HS6ST3: variants seen among roughly 807,000 people sequenced by gnomAD.
The protein encoded by HS6ST3 is heparan-sulfate 6-O-sulfotransferase 3.
In HS6ST3, 12 loss-of-function variants were observed where a neutral mutation model predicts 36.7. That is an observed-to-expected ratio of 0.33 (90% CI 0.21 to 0.53). HS6ST3 has a LOEUF of 0.53. Among genes scored for constraint, HS6ST3 ranks in the 20% least tolerant of loss-of-function variants. The pLI is 0.95. For synonymous variants in HS6ST3, 240 were observed against 257.5 expected (o/e 0.93, Z 0.65); for missense variants, 584 against 640.9 (o/e 0.91, Z 0.96).
intron 1 of HS6ST3, among the ~76,000 whole-genome samples, chr13:96,438,698 A>G (rs942079639): frequency 2.6e-5 from 4 of 152,312 alleles, no homozygotes; most frequent in Non-Finnish European, 5.9e-5. Flanking sequence ...CTCTAATGAA[A>G]CTTCTTAAAT....
At chr13:96,169,223 G>A (rs546919994) in intron 1 of HS6ST3, among the ~76,000 whole-genome samples, 1 of 151,212 alleles carries the variant, frequency 6.6e-6, no homozygotes, top group East Asian at 2.0e-4. Flanking sequence ...CAGAGAAATG[G>A]GATTTTGACT....
At position 96,421,554 on chromosome 13, in the gene HS6ST3, A is replaced by G. The variant is rs187603296; in HGVS notation, c.707+329985A>G. Among the ~76,000 whole-genome samples, 729 of 152,292 alleles carry G rather than the reference A, an allele frequency of 4.8e-3. 7 individuals carry two copies. The highest frequency in any genetic ancestry group is 5.6e-3 in the Non-Finnish European group (382 of 68,018). On this transcript the variant is annotated intron_variant, in intron 1 of 1. Transcript: ENST00000376705. Reference sequence around the variant, plus strand: ...CCTCTGCAATACTCAAATGACATGTAGTCACCTGAATGTGCCATTTTTCTT... The same window carrying G: ...CCTCTGCAATACTCAAATGACATGTGGTCACCTGAATGTGCCATTTTTCTT...
intron 1 of HS6ST3, among the ~76,000 whole-genome samples, chr13:96,475,745 A>C (rs1353480812): frequency 6.6e-6 from 1 of 152,328 alleles, no homozygotes; most frequent in South Asian, 2.1e-4. Context: ...AAAGAAAATC[A>C]ACTGAAATCA....
intron 1 of HS6ST3, among the ~76,000 whole-genome samples, chr13:96,402,353 A>G (rs1478061339): frequency 6.6e-6 from 1 of 152,242 alleles, no homozygotes; most frequent in African/African-American, 2.4e-5. Flanking sequence ...AGTCATTTAT[A>G]TAATGAATAC....
chr13:96,336,912 A>G (rs985744498), intron 1 of HS6ST3, among the ~76,000 whole-genome samples: 3 of 152,224 alleles, frequency 2.0e-5, no homozygotes, highest in Non-Finnish European at 4.4e-5. Flanking sequence ...CTGATTAAAT[A>G]ACCTTTTGTT....
At position 96,608,170 on chromosome 13, in the gene HS6ST3, A is replaced by G. The variant is rs544044547; in HGVS notation, c.708-224320A>G. Among the ~76,000 whole-genome samples the G allele has an allele frequency of 3.9e-5, 6 of 152,376 alleles. No individual in the cohort carries two copies. In the South Asian group the frequency reaches 1.2e-3, roughly 32 times the overall value. ...GGAAGATAATACGAAACCAATCATT[A>G]CATGAAAATTAGTCAATAAAGGGGA... On this transcript the variant is annotated intron_variant, in intron 1 of 1. Coordinates refer to ENST00000376705, the MANE Select transcript of HS6ST3 (RefSeq NM_153456.4).
At chr13:96,247,348 A>G (rs974031121) in intron 1 of HS6ST3, among the ~76,000 whole-genome samples, 1 of 151,756 alleles carries the variant, frequency 6.6e-6, no homozygotes, top group Non-Finnish European at 1.5e-5. Flanking sequence ...CATAATCCCC[A>G]CGTGTCAAGG....
intron 1 of HS6ST3, among the ~76,000 whole-genome samples, chr13:96,484,565 A>C (rs543931870): frequency 6.6e-6 from 1 of 152,220 alleles, no homozygotes; most frequent in Admixed American, 6.5e-5. Context: ...AAGTTTGACT[A>C]TTTTAGATTT....
intron 1 of HS6ST3, among the ~76,000 whole-genome samples, chr13:96,803,751 T>A (rs1312879133): frequency 6.6e-6 from 1 of 152,164 alleles, no homozygotes; most frequent in Admixed American, 6.5e-5. Flanking sequence ...CATGGGTAAT[T>A]CTAGCATCTG....
At chr13:96,717,382 G>A (rs1030625272) in intron 1 of HS6ST3, among the ~76,000 whole-genome samples, 4 of 152,096 alleles carry the variant, frequency 2.6e-5, no homozygotes, top group Non-Finnish European at 4.4e-5. Context: ...AAGAATAAAA[G>A]TGTCTGGCCC....
chr13:96,224,781 G>A (rs529757782), intron 1 of HS6ST3, among the ~76,000 whole-genome samples: 1 of 152,306 alleles, frequency 6.6e-6, no homozygotes, highest in South Asian at 2.1e-4. Flanking sequence ...ATTGTTTCAT[G>A]ATGCTGTAGA....
At chr13:96,177,024 C>T (rs1239138755) in intron 1 of HS6ST3, among the ~76,000 whole-genome samples, 1 of 152,136 alleles carries the variant, frequency 6.6e-6, no homozygotes, top group East Asian at 1.9e-4. Context: ...GAAAAAAGCT[C>T]AATATCACTG....
At chr13:96,602,111 G>A (rs994507963) in intron 1 of HS6ST3, among the ~76,000 whole-genome samples, 30 of 152,198 alleles carry the variant, frequency 2.0e-4, no homozygotes, top group African/African-American at 7.0e-4. Context: ...GTAAAAACCA[G>A]CTGTGGCTGA....
chr13:96,652,162 T>C (rs544395111), intron 1 of HS6ST3, among the ~76,000 whole-genome samples: 1 of 152,194 alleles, frequency 6.6e-6, no homozygotes, highest in African/African-American at 2.4e-5. Context: ...ATATCTGATA[T>C]GCATATATCA....
chr13:96,490,395 A>G (rs1372411377), intron 1 of HS6ST3, among the ~76,000 whole-genome samples: 1 of 152,138 alleles, frequency 6.6e-6, no homozygotes, highest in Non-Finnish European at 1.5e-5. Context: ...AACTATAAAC[A>G]AGCATTTTCA....
chr13:96,811,341 T>A (rs1878313267), intron 1 of HS6ST3, among the ~76,000 whole-genome samples: 1 of 152,182 alleles, frequency 6.6e-6, no homozygotes, highest in Admixed American at 6.5e-5. Context: ...TGGGCCCTGT[T>A]CCTAAATCAT....
chr13:96,837,645 A>C lies in HS6ST3; in HGVS notation c.*4447A>C, dbSNP rs1027456125. 6.6e-6 allele frequency: 1 copy of C among 152,138 alleles called. No individual in the cohort carries two copies. Among genetic ancestry groups the C allele is most frequent in the African/African-American group, 2.4e-5 (1 of 41,424 alleles). The allele number at this position is 152,138 out of a possible 1,614,324, so 9.4% of individuals were successfully genotyped here. On this transcript the variant is annotated 3_prime_UTR_variant, in exon 2 of 2. Transcript: ENST00000376705. ...TACTCTCAGCTCCCTACCTCCAGTGAGGGGGCCTCTTATTAGGAATGAAAT... is the reference window on the plus strand; with the variant it reads ...TACTCTCAGCTCCCTACCTCCAGTGCGGGGGCCTCTTATTAGGAATGAAAT...
chr13:96,550,098 G>C (rs1182686342), intron 1 of HS6ST3, among the ~76,000 whole-genome samples: 1 of 152,130 alleles, frequency 6.6e-6, no homozygotes, highest in South Asian at 2.1e-4. Flanking sequence ...TTATGGATGT[G>C]GTCTGTTAGG....
chr13:96,271,752 C>G lies in HS6ST3; in HGVS notation c.707+180183C>G, dbSNP rs530656775. Among the ~76,000 whole-genome samples, 11 of 152,100 alleles carry G rather than the reference C, an allele frequency of 7.2e-5. No homozygotes were observed. In the South Asian group the frequency reaches 2.3e-3, roughly 32 times the overall value. The stretch of plus-strand genomic sequence containing the variant: ...ATTTCATCTGCTGATCTTAGCAATT[C>G]TCAAGAACTAGACTTCTGCTATGAG... On this transcript the variant is annotated intron_variant, in intron 1 of 1. Coordinates refer to ENST00000376705, the MANE Select transcript of HS6ST3 (RefSeq NM_153456.4).
Sources: allele counts gnomAD v4.1 joint callset (sites outside exome capture counted in the v4.1 genomes callset), GRCh38; gene constraint gnomAD v4.1.1; transcripts MANE v1.5; gene names NCBI Gene and HGNC (gene_info 2026-07-23, HGNC 2026-07-21).